The following LOC128092253 variants were observed in gnomAD, a reference collection of about 807,000 sequenced individuals.
At chr6:133,959,827 G>T in the LOC128092253 span, among the ~76,000 whole-genome samples, 19 of 152,200 alleles carry the variant, frequency 1.2e-4, no homozygotes, top group African/African-American at 4.3e-4. Context: ...GACAGATGTT[G>T]CTGTCTTTCA....
the LOC128092253 span, among the ~76,000 whole-genome samples, chr6:133,963,080 A>G: frequency 2.6e-5 from 4 of 152,198 alleles, no homozygotes; most frequent in Non-Finnish European, 5.9e-5. Context: ...CATTTGTAAC[A>G]TTTTGTACTG....
the LOC128092253 span, among the ~76,000 whole-genome samples, chr6:133,958,116 G>GT: frequency 6.6e-6 from 1 of 152,188 alleles, no homozygotes; most frequent in Non-Finnish European, 1.5e-5. Context: ...AGACATCTCT[G>GT]TTTCTTGGAA....
At chr6:133,974,708 C>T in the LOC128092253 span, among the ~76,000 whole-genome samples, 1 of 152,194 alleles carries the variant, frequency 6.6e-6, no homozygotes, top group African/African-American at 2.4e-5. Flanking sequence ...TACACACAGC[C>T]AGAGTATCTC....
At chr6:133,972,651 A>G in the LOC128092253 span, among the ~76,000 whole-genome samples, 2 of 150,664 alleles carry the variant, frequency 1.3e-5, no homozygotes, top group Admixed American at 1.3e-4. Flanking sequence ...TAGTGTGCTG[A>G]CCCTTGCCTA....
the LOC128092253 span, among the ~76,000 whole-genome samples, chr6:133,974,485 C>T: frequency 6.6e-6 from 1 of 152,166 alleles, no homozygotes; most frequent in Non-Finnish European, 1.5e-5. Flanking sequence ...AGGCGTGCAC[C>T]ACCACGCCCG....
the LOC128092253 span, among the ~76,000 whole-genome samples, chr6:133,956,439 G>C: frequency 6.6e-6 from 1 of 152,144 alleles, no homozygotes; most frequent in Non-Finnish European, 1.5e-5. Context: ...AATAAAACAT[G>C]ACAGACACAA....
At chr6:133,967,728 C>T in the LOC128092253 span, among the ~76,000 whole-genome samples, 35 of 152,128 alleles carry the variant, frequency 2.3e-4, no homozygotes, top group African/African-American at 7.7e-4. Flanking sequence ...ATATTATGGA[C>T]CCCTGGACCA....
At chr6:133,979,127 C>T in the LOC128092253 span, among the ~76,000 whole-genome samples, 1 of 152,124 alleles carries the variant, frequency 6.6e-6, no homozygotes, top group Non-Finnish European at 1.5e-5. Flanking sequence ...ATGCAAATTA[C>T]TTGGTAGAGC....
chr6:133,966,074 GAGAC>G, the LOC128092253 span, among the ~76,000 whole-genome samples: 1 of 152,144 alleles, frequency 6.6e-6, no homozygotes, highest in Non-Finnish European at 1.5e-5. Flanking sequence ...GAGACAGAGA[GAGAC>G]AGAAAGAAAC....
At chr6:133,975,105 C>T in the LOC128092253 span, among the ~76,000 whole-genome samples, 6 of 151,884 alleles carry the variant, frequency 4.0e-5, no homozygotes, top group East Asian at 3.9e-4. Flanking sequence ...TGGACATGGG[C>T]AAAAAATTCA....
chr6:133,958,722 T>C, the LOC128092253 span, among the ~76,000 whole-genome samples: 2 of 152,166 alleles, frequency 1.3e-5, no homozygotes, highest in Admixed American at 6.5e-5. Context: ...AACCAGGTCT[T>C]AGTTTTTAGT....
At chr6:133,959,847 A>C in the LOC128092253 span, among the ~76,000 whole-genome samples, 1 of 152,244 alleles carries the variant, frequency 6.6e-6, no homozygotes, top group South Asian at 2.1e-4. Context: ...AGATATGAAC[A>C]TAATAAAGTC....
At chr6:133,968,842 G>A in the LOC128092253 span, 5 of 152,124 alleles carry the variant, frequency 3.3e-5, no homozygotes, top group Admixed American at 6.5e-5. Flanking sequence ...GCTAATTTTT[G>A]TATTTTTGGT....
the LOC128092253 span, among the ~76,000 whole-genome samples, chr6:133,964,266 C>G: frequency 6.6e-6 from 1 of 152,162 alleles, no homozygotes; most frequent in East Asian, 1.9e-4. Flanking sequence ...AGTGACGCAC[C>G]CTTCAACCAG....
At chr6:133,979,687 C>T in the LOC128092253 span, among the ~76,000 whole-genome samples, 16 of 152,272 alleles carry the variant, frequency 1.1e-4, no homozygotes, top group African/African-American at 3.9e-4. Flanking sequence ...CACTCTGTCT[C>T]ACAGGCTGGA....
At chr6:133,954,839 CTAT>C in the LOC128092253 span, among the ~76,000 whole-genome samples, 1 of 152,090 alleles carries the variant, frequency 6.6e-6, no homozygotes, top group Admixed American at 6.5e-5. Context: ...CTCTAGTGAC[CTAT>C]TACTATGTGC....
chr6:133,961,844 G>T, the LOC128092253 span, among the ~76,000 whole-genome samples: 1 of 151,958 alleles, frequency 6.6e-6, no homozygotes. Flanking sequence ...TCATTATCTC[G>T]TTTCCTTTAT....
chr6:133,967,179 C>G, the LOC128092253 span, among the ~76,000 whole-genome samples: 3 of 152,172 alleles, frequency 2.0e-5, no homozygotes, highest in Non-Finnish European at 2.9e-5. Flanking sequence ...TGTTCACTAC[C>G]AGGTCCCTAT....
chr6:133,970,579 A>G, the LOC128092253 span, among the ~76,000 whole-genome samples: 1 of 151,618 alleles, frequency 6.6e-6, no homozygotes, highest in Admixed American at 6.6e-5. Context: ...ACACTCATAT[A>G]TCTGTCACCA....
Sources: gnomAD v4.1 joint callset for allele counts (sites outside exome capture counted in the v4.1 genomes callset) on GRCh38, gnomAD v4.1.1 for gene constraint, MANE v1.5 for transcripts.